LRBA: variants seen among roughly 807,000 people sequenced by gnomAD.
LRBA encodes the protein lipopolysaccharide-responsive and beige-like anchor protein.
In LRBA, 176 loss-of-function variants were observed where a neutral mutation model predicts 330.0. The ratio of observed to expected loss-of-function variants is 0.53; its 90% confidence interval spans 0.47 to 0.60. The LOEUF (loss-of-function observed/expected upper bound fraction) is 0.60. Among genes scored for constraint, LRBA ranks in the 20% least tolerant of loss-of-function variants. The pLI is 0.00. For missense variants in LRBA, 3,259 were observed against 3,444.8 expected (o/e 0.95, Z 1.35); for synonymous variants, 1,230 against 1,193.0 (o/e 1.03, Z -0.64).
At chr4:150,663,660 A>AT (rs1396782833) in intron 37 of LRBA, among the ~76,000 whole-genome samples, 2 of 152,136 alleles carry the variant, frequency 1.3e-5, no homozygotes, top group African/African-American at 4.8e-5. Context: ...CTGGTAGTAT[A>AT]TATCAGGTAT....
chr4:150,387,015 A>G (rs1207294941), intron 47 of LRBA, among the ~76,000 whole-genome samples: 1 of 152,148 alleles, frequency 6.6e-6, no homozygotes, highest in African/African-American at 2.4e-5. Flanking sequence ...TCTAATGATC[A>G]GTGATGTTGA....
chr4:150,509,139 T>C (rs948311928), intron 40 of LRBA, among the ~76,000 whole-genome samples: 3 of 152,134 alleles, frequency 2.0e-5, no homozygotes, highest in Non-Finnish European at 4.4e-5. Flanking sequence ...AATGAATATA[T>C]TAATTAGCCA....
At chr4:150,351,080 G>GA (rs1561053005) in intron 47 of LRBA, among the ~76,000 whole-genome samples, 1 of 151,956 alleles carries the variant, frequency 6.6e-6, no homozygotes. Context: ...AATAAATAAC[G>GA]AATGAACACA....
intron 48 of LRBA, among the ~76,000 whole-genome samples, chr4:150,339,775 T>G (rs575188948): frequency 1.3e-5 from 2 of 152,176 alleles, no homozygotes; most frequent in South Asian, 4.2e-4. Context: ...ATACACAGTA[T>G]TCTACTGTGT....
At chr4:150,956,514 C>G (rs932728433) in intron 2 of LRBA, among the ~76,000 whole-genome samples, 1 of 148,956 alleles carries the variant, frequency 6.7e-6, no homozygotes. Flanking sequence ...GAGAACACAT[C>G]CCAGCTAAAT....
At chr4:150,783,204 C>A (rs185308674) in intron 34 of LRBA, among the ~76,000 whole-genome samples, 39 of 152,272 alleles carry the variant, frequency 2.6e-4, no homozygotes, top group Middle Eastern at 3.4e-3. Flanking sequence ...TAAAAGTTCT[C>A]CCTCATTATT....
intron 2 of LRBA, among the ~76,000 whole-genome samples, chr4:150,929,595 T>C (rs1187593269): frequency 6.6e-6 from 1 of 152,210 alleles, no homozygotes. Context: ...ATATAATTAG[T>C]CACATATCCA....
intron 40 of LRBA, among the ~76,000 whole-genome samples, chr4:150,545,874 C>A (rs926177056): frequency 6.6e-6 from 1 of 151,742 alleles, no homozygotes; most frequent in African/African-American, 2.4e-5. Context: ...GTTAAAAAAC[C>A]AAACTTTTCC....
At chr4:150,600,075 CT>C (rs1379740055) in intron 37 of LRBA, among the ~76,000 whole-genome samples, 1 of 151,614 alleles carries the variant, frequency 6.6e-6, no homozygotes, top group African/African-American at 2.4e-5. Context: ...CTCTTGTTAA[CT>C]AATCATGATC....
At chr4:150,806,170 C>G (rs1742764931) in intron 33 of LRBA, 101 bp downstream of exon 33, 2 of 867,574 alleles carry the variant, frequency 2.3e-6, no homozygotes. Context: ...CAAAGGCTGA[C>G]AACACTTAAA....
At chr4:150,619,230 C>T (rs540255108) in intron 37 of LRBA, among the ~76,000 whole-genome samples, 118 of 152,206 alleles carry the variant, frequency 7.8e-4, no homozygotes, top group Middle Eastern at 6.8e-3. Context: ...TTTGCCCAGA[C>T]GATAGAGTCC....
At chr4:150,490,748 C>T (rs1758807444) in intron 41 of LRBA, among the ~76,000 whole-genome samples, 170 bp downstream of exon 41, 1 of 151,702 alleles carries the variant, frequency 6.6e-6, no homozygotes, top group African/African-American at 2.4e-5. Context: ...TATTAATAAT[C>T]AAGGTGGGAA....
At chr4:150,546,569 C>T (rs578240109) in intron 40 of LRBA, among the ~76,000 whole-genome samples, 36 of 152,322 alleles carry the variant, frequency 2.4e-4, no homozygotes, top group African/African-American at 8.4e-4. Context: ...CAAAATACTT[C>T]TGTGGATTTA....
At position 150,753,505 on chromosome 4, in the gene LRBA, T is replaced by C. The variant is rs957241475; in HGVS notation, c.5645+8278A>G. Among the ~76,000 whole-genome samples, 6 of 152,316 alleles carry C rather than the reference T, an allele frequency of 3.9e-5. No individual in the cohort carries two copies. The East Asian group carries it at 7.7e-4, about 20-fold the overall frequency. On this transcript the variant is annotated intron_variant, in intron 35 of 56. Coordinates refer to ENST00000651943, the MANE Select transcript of LRBA (RefSeq NM_001364905.1). Reference sequence around the variant, plus strand: ...TATTTAATAAATGATCCTACGTACATAGATGCTGTTGTAGTTTTTTTAAAA... The same window carrying C: ...TATTTAATAAATGATCCTACGTACACAGATGCTGTTGTAGTTTTTTTAAAA...
intron 47 of LRBA, among the ~76,000 whole-genome samples, chr4:150,415,075 A>G (rs1561141753): frequency 6.6e-6 from 1 of 152,174 alleles, no homozygotes; most frequent in Non-Finnish European, 1.5e-5. Context: ...TCTATTATGA[A>G]AATGTGCAAT....
At chr4:150,559,882 T>C (rs1220109450) in intron 40 of LRBA, among the ~76,000 whole-genome samples, 1 of 19,994 alleles carries the variant, frequency 5.0e-5, no homozygotes, top group Admixed American at 9.7e-4. Context: ...TAATTATATA[T>C]AATTATATAT....
intron 13 of LRBA, among the ~76,000 whole-genome samples, chr4:150,902,221 G>C (rs1730811817): frequency 6.6e-6 from 1 of 152,110 alleles, no homozygotes; most frequent in Non-Finnish European, 1.5e-5. Context: ...CATTAAGATA[G>C]GCTTTGAAGA....
In LRBA at chr4:150,577,419, T is replaced by TA. The variant is rs1561376983; in HGVS notation, c.6330+10628_6330+10629insT. On this transcript the variant is annotated intron_variant, in intron 40 of 56. Transcript: ENST00000651943. ...AAAATAAAAATCAATGTTCATTTTTTTAAAAAAAAAAAGCATTTTCATAAG... is the reference window on the plus strand; with the variant it reads ...AAAATAAAAATCAATGTTCATTTTTTATAAAAAAAAAAAGCATTTTCATAAG... Among the ~76,000 whole-genome samples, 337 of 119,612 alleles carry TA rather than the reference T, an allele frequency of 2.8e-3. 5 individuals carry two copies. The South Asian group carries it at 0.034, about 12-fold the overall frequency. 78.5% of individuals were successfully genotyped at this position (119,612 alleles called of 152,430 possible).
intron 36 of LRBA, among the ~76,000 whole-genome samples, chr4:150,723,895 T>G (rs1397687038): frequency 6.6e-6 from 1 of 152,108 alleles, no homozygotes. Context: ...GCCCCTAGGC[T>G]CTCAGTAAAC....
Sources: allele counts gnomAD v4.1 joint callset (sites outside exome capture counted in the v4.1 genomes callset), GRCh38; gene constraint gnomAD v4.1.1; transcripts MANE v1.5; gene names NCBI Gene and HGNC (gene_info 2026-07-23, HGNC 2026-07-21).